The following MBD5 variants were observed in gnomAD, a reference collection of about 807,000 sequenced individuals.
MBD5 encodes the protein methyl-CpG-binding domain protein 5.
Under a neutral mutation model 117.3 loss-of-function variants are expected in MBD5, and 13 were observed. That is an observed-to-expected ratio of 0.11 (90% confidence interval 0.07 to 0.18). The LOEUF (loss-of-function observed/expected upper bound fraction) is 0.18. Among genes scored for constraint, MBD5 ranks in the 10% least tolerant of loss-of-function variants. The pLI is 1.00. For synonymous variants in MBD5, 727 were observed against 766.4 expected (o/e 0.95, Z 0.85); for missense variants, 1,879 against 2,093.8 (o/e 0.90, Z 2.00).
At chr2:148,195,199 G>C (rs2105923801) in intron 2 of MBD5, among the ~76,000 whole-genome samples, 1 of 151,808 alleles carries the variant, frequency 6.6e-6, no homozygotes, top group African/African-American at 2.4e-5. Flanking sequence ...ACACAGGTAG[G>C]TTAAAAGTTA....
intron 3 of MBD5, among the ~76,000 whole-genome samples, chr2:148,292,241 T>G (rs1016930360): frequency 1.5e-4 from 23 of 152,230 alleles, no homozygotes; most frequent in Non-Finnish European, 2.6e-4. Context: ...AAAAAGCCTC[T>G]GCACAGCAAA....
chr2:148,175,196 A>G (rs1698355054), intron 1 of MBD5, among the ~76,000 whole-genome samples: 1 of 152,194 alleles, frequency 6.6e-6, no homozygotes, highest in African/African-American at 2.4e-5. Flanking sequence ...GTATTCATAA[A>G]TCATAACTTC....
intron 1 of MBD5, among the ~76,000 whole-genome samples, chr2:148,042,687 A>G (rs1378631043): frequency 6.6e-6 from 1 of 152,144 alleles, no homozygotes; most frequent in African/African-American, 2.4e-5. Flanking sequence ...AAAATTGCAA[A>G]CCTCAAATCT....
intron 1 of MBD5, among the ~76,000 whole-genome samples, chr2:148,046,767 C>G: frequency 6.6e-6 from 1 of 152,130 alleles, no homozygotes; most frequent in East Asian, 1.9e-4. Context: ...TTTCTGTACT[C>G]TGGGCCATAT....
At chr2:148,185,086 C>T (rs1698621675) in intron 2 of MBD5, among the ~76,000 whole-genome samples, 1 of 152,148 alleles carries the variant, frequency 6.6e-6, no homozygotes, top group Admixed American at 6.5e-5. Flanking sequence ...TAGTCTGAGT[C>T]CCTGTAGATA....
intron 8 of MBD5, among the ~76,000 whole-genome samples, chr2:148,481,320 T>G (rs1681146236): frequency 6.6e-6 from 1 of 152,180 alleles, no homozygotes; most frequent in African/African-American, 2.4e-5. Flanking sequence ...GTTATTCTAT[T>G]AGGTGAAAAC....
intron 1 of MBD5, among the ~76,000 whole-genome samples, chr2:148,084,837 T>C (rs578002530): frequency 3.3e-4 from 51 of 152,340 alleles, no homozygotes; most frequent in African/African-American, 1.2e-3. Flanking sequence ...TCTTAAGAAA[T>C]CCACTCCCTA....
intron 1 of MBD5, among the ~76,000 whole-genome samples, chr2:148,057,839 T>C (rs1694912810): frequency 6.6e-6 from 1 of 151,812 alleles, no homozygotes. Context: ...AAAAATAAAG[T>C]TAGATTCTAA....
intron 4 of MBD5, among the ~76,000 whole-genome samples, chr2:148,394,442 A>G (rs1704648122): frequency 6.6e-6 from 1 of 150,824 alleles, no homozygotes. Context: ...TTTCATTTCT[A>G]TCTTCAAATA....
rs982502851 is a variant in MBD5, at chr2:148,200,606, T to A, written c.-831+21813T>A. ...TACTCGGGAGGCTGAGACGGGAGAA[T>A]GGCGTGAGCCTAGGAGGCAGAGCTT... On this transcript the variant is annotated intron_variant, in intron 2 of 13. Coordinates refer to ENST00000642680, the MANE Select transcript of MBD5 (RefSeq NM_001378120.1). 2.1e-4 allele frequency among the ~76,000 whole-genome samples: 31 copies of A among 149,814 alleles called. 2 individuals carry two copies. In the East Asian group the frequency reaches 6.1e-3, roughly 30 times the overall value.
chr2:148,056,230 A>G (rs1477898723), intron 1 of MBD5: 4 of 152,134 alleles, frequency 2.6e-5, no homozygotes, highest in Non-Finnish European at 5.9e-5. Context: ...TTCTTTTTAA[A>G]TCTGATAACA....
chr2:148,244,236 TA>T, intron 3 of MBD5: 1 of 152,272 alleles, frequency 6.6e-6, no homozygotes, highest in East Asian at 1.9e-4. Context: ...ACCTATCTTA[TA>T]AGTTTGTTGT....
At chr2:148,211,107 T>C (rs890921152) in intron 2 of MBD5, among the ~76,000 whole-genome samples, 6 of 152,204 alleles carry the variant, frequency 3.9e-5, no homozygotes, top group Non-Finnish European at 4.4e-5. Context: ...TGCTTAAGCC[T>C]AATACAACAT....
chr2:148,472,934 TAACTGTTCCGTA>T (rs1216824100), intron 8 of MBD5, among the ~76,000 whole-genome samples: 4 of 152,156 alleles, frequency 2.6e-5, no homozygotes, highest in Non-Finnish European at 5.9e-5. Context: ...AAAACTTAAG[TAACTGTTCCGTA>T]TCATACATAA....
At chr2:148,217,784 C>T (rs190264116) in intron 2 of MBD5, among the ~76,000 whole-genome samples, 17 of 152,182 alleles carry the variant, frequency 1.1e-4, no homozygotes, top group Admixed American at 9.8e-4. Context: ...AACATCAAGT[C>T]ACCCTTAGTC....
chr2:148,163,658 G>C (rs1698061743), intron 1 of MBD5, among the ~76,000 whole-genome samples: 3 of 152,098 alleles, frequency 2.0e-5, no homozygotes, highest in Admixed American at 2.0e-4. Context: ...CAGGTGATCT[G>C]TCTGCCTCAG....
intron 1 of MBD5, among the ~76,000 whole-genome samples, chr2:148,099,007 A>G (rs1255435905): frequency 3.3e-5 from 5 of 152,206 alleles, no homozygotes; most frequent in African/African-American, 1.2e-4. Context: ...GTGAGCCATG[A>G]TCGTGCCACT....
At chr2:148,053,642 T>G (rs1159132446) in intron 1 of MBD5, among the ~76,000 whole-genome samples, 2 of 152,110 alleles carry the variant, frequency 1.3e-5, no homozygotes, top group Admixed American at 6.5e-5. Flanking sequence ...ACTTACACCA[T>G]ATGCATTCTC....
In MBD5 at chr2:148,371,546, C is replaced by G. The variant is rs1006744099; in HGVS notation, c.-557+29210C>G. 2.6e-5 allele frequency among the ~76,000 whole-genome samples: 4 copies of G among 152,136 alleles called. No homozygotes were observed. The East Asian group carries it at 7.7e-4, about 29-fold the overall frequency. On this transcript the variant is annotated intron_variant, in intron 4 of 13. Transcript: ENST00000642680. Reference sequence around the variant, plus strand: ...CTAGGAAACTAGGCTATAAATATTACGTTAATTCCAGAACTTCCAAGATTT... The same window carrying G: ...CTAGGAAACTAGGCTATAAATATTAGGTTAATTCCAGAACTTCCAAGATTT...
Sources: allele counts gnomAD v4.1 joint callset (sites outside exome capture counted in the v4.1 genomes callset), GRCh38; gene constraint gnomAD v4.1.1; transcripts MANE v1.5; gene names NCBI Gene and HGNC (gene_info 2026-07-23, HGNC 2026-07-21).